Variants in ANXA6 observed in about 807,000 individuals in gnomAD.
ANXA6 encodes 67 kDa calelectrin.
A neutral mutation model predicts 95.4 loss-of-function variants in ANXA6; 71 were observed. The ratio of observed to expected loss-of-function variants is 0.74; its 90% CI spans 0.61 to 0.91. The LOEUF (loss-of-function observed/expected upper bound fraction) is 0.91, where lower values mean the gene tolerates loss of function less well. Among genes scored for constraint, ANXA6 ranks in the 40% least tolerant of loss-of-function variants. The probability of loss-of-function intolerance (pLI) is 0.00; values close to 1 mark genes in which losing one functional copy is unlikely to be tolerated. For missense variants in ANXA6, 830 were observed against 876.4 expected (o/e 0.95, Z 0.67); for synonymous variants, 289 against 315.9 (o/e 0.91, Z 0.90).
At chr5:151,137,687 C>T (rs1765707726) in intron 5 of ANXA6, among the ~76,000 whole-genome samples, 2 of 152,148 alleles carry the variant, frequency 1.3e-5, no homozygotes, top group Non-Finnish European at 1.5e-5. Context: ...AGCACTTCCC[C>T]ACCTCCCGCC....
intron 1 of ANXA6, among the ~76,000 whole-genome samples, chr5:151,148,272 T>G (rs1342701877): frequency 1.3e-5 from 2 of 152,190 alleles, no homozygotes; most frequent in African/African-American, 2.4e-5. Context: ...ACACATCAGA[T>G]TCTCCTTTTT....
intron 8 of ANXA6, among the ~76,000 whole-genome samples, 165 bp downstream of exon 8, chr5:151,134,262 A>G (rs894022425): frequency 1.3e-5 from 2 of 152,228 alleles, no homozygotes; most frequent in African/African-American, 4.8e-5. Context: ...AAGATAACTT[A>G]TATCTTTTCT....
chr5:151,130,962 G>A (rs575931177), intron 11 of ANXA6, among the ~76,000 whole-genome samples: 10 of 152,324 alleles, frequency 6.6e-5, no homozygotes, highest in Non-Finnish European at 1.0e-4. Context: ...AGTCCGAGCC[G>A]CCAACCCATT....
At chr5:151,138,589 T>G (rs1175157993) in intron 5 of ANXA6, 89 bp downstream of exon 5, 1 of 864,672 alleles carries the variant, frequency 1.2e-6, no homozygotes, top group African/African-American at 1.7e-5. Context: ...TGGGTGGGTA[T>G]GGGGCTCACC....
intron 13 of ANXA6, among the ~76,000 whole-genome samples, chr5:151,127,724 C>G (rs1414186622): frequency 2.0e-5 from 3 of 152,318 alleles, no homozygotes; most frequent in African/African-American, 4.8e-5. Flanking sequence ...TGGTCTATAC[C>G]CTTCTGCGCT....
rs1253167274 is a variant in ANXA6 at position 151,128,256 on chromosome 5, A to T, written c.919-17T>A. 1.9e-6 allele frequency: 3 copies of T among 1,602,560 alleles called. No homozygotes were observed. Among genetic ancestry groups the T allele is most frequent in the Non-Finnish European group, 2.6e-6 (3 of 1,175,274 alleles). On this transcript the variant is annotated splice_polypyrimidine_tract_variant and intron_variant, in intron 12 of 25. Transcript: ENST00000354546. ...GGTGTCATTCTGAAGAGAAAGAAAGAAAGGTTACCTCTCACCCAGCCCTGG... is the reference window on the plus strand; with the variant it reads ...GGTGTCATTCTGAAGAGAAAGAAAGTAAGGTTACCTCTCACCCAGCCCTGG...
At chr5:151,115,459 G>C (rs181226718) in intron 20 of ANXA6, among the ~76,000 whole-genome samples, 2 of 152,094 alleles carry the variant, frequency 1.3e-5, no homozygotes, top group South Asian at 2.1e-4. Context: ...CTCCTTTTGC[G>C]AAGCAGCTGT....
chr5:151,144,897 T>C (rs373811646), intron 2 of ANXA6, among the ~76,000 whole-genome samples: 302 of 152,036 alleles, frequency 2.0e-3, no homozygotes, highest in African/African-American at 7.0e-3. Context: ...TAGTCACATT[T>C]GGAGATACAG....
intron 23 of ANXA6, 80 bp from the exon 24 acceptor site, chr5:151,105,383 C>T (rs1284793262): frequency 8.0e-7 from 1 of 1,251,418 alleles, no homozygotes; most frequent in African/African-American, 1.5e-5. Flanking sequence ...CCCCCATCTC[C>T]CCACCTCGTC....
rs564132684 is a variant in ANXA6, at chr5:151,124,352, G to A, written c.1072C>T (p.Arg358Cys). The A allele has an allele frequency of 3.8e-5, 62 of 1,611,502 alleles. No individual in the cohort carries two copies. The South Asian group carries it at 4.5e-4, about 12-fold the overall frequency. Residue 358 changes from arginine (R) to cysteine (C), a missense_variant, in exon 15 of 26, where the codon CGC becomes TGC. Arg to Cys is a radical substitution (Grantham distance 180). Transcript: ENST00000354546. ...VARVELKGTV[R>C]PANDFNPDAD... ...TCAGGGTTGAAGTCATTGGCTGGGC[G>A]CACAGTTCCCTTCAGCTGTGAGAAG...
intron 20 of ANXA6, among the ~76,000 whole-genome samples, chr5:151,114,934 G>A (rs1250218167): frequency 6.6e-6 from 1 of 152,154 alleles, no homozygotes; most frequent in African/African-American, 2.4e-5. Flanking sequence ...CGTTATCTAA[G>A]GGGGAGCTTG....
chr5:151,117,937 G>A, intron 18 of ANXA6, 100 bp from the exon 19 acceptor site: 1 of 909,058 alleles, frequency 1.1e-6, no homozygotes, highest in Non-Finnish European at 1.8e-6. Flanking sequence ...GGGCAGTATT[G>A]GCAGGGGGAG....
At chr5:151,117,253 CT>C in intron 19 of ANXA6, 73 bp from the exon 20 acceptor site, 1 of 1,423,426 alleles carries the variant, frequency 7.0e-7, no homozygotes, top group Non-Finnish European at 9.5e-7. Flanking sequence ...ACCACACACC[CT>C]GCTCATTTTC....
chr5:151,135,401 C>A (rs569386414), intron 7 of ANXA6, among the ~76,000 whole-genome samples: 1 of 152,310 alleles, frequency 6.6e-6, no homozygotes, highest in Admixed American at 6.5e-5. Flanking sequence ...TGATCATTCC[C>A]CAGCTGGTTA....
Position 151,100,751 on chromosome 5 carries a change from TAA to T in ANXA6, c.*695_*696del, listed in dbSNP as rs1295270007. The T allele has an allele frequency of 5.1e-6, 2 of 394,826 alleles. No homozygotes were observed. The highest frequency in any genetic ancestry group is 2.1e-5 in the African/African-American group (1 of 47,610). The allele number at this position is 394,826 out of a possible 1,614,324, so 24.5% of individuals were successfully genotyped here. ...TCTCTTTTTATTTCTTCCTTAGAAATAAAAAGTGTCAAGGGAATGAATCGGAG... is the reference window on the plus strand; with the variant it reads ...TCTCTTTTTATTTCTTCCTTAGAAATAAAGTGTCAAGGGAATGAATCGGAG... On this transcript the variant is annotated 3_prime_UTR_variant, in exon 26 of 26. Coordinates refer to ENST00000354546, the MANE Select transcript of ANXA6 (RefSeq NM_001155.5).
chr5:151,111,832 C>T (rs1276091591), intron 20 of ANXA6, among the ~76,000 whole-genome samples: 1 of 150,986 alleles, frequency 6.6e-6, no homozygotes, highest in Non-Finnish European at 1.5e-5. Flanking sequence ...GCCTTGGCCT[C>T]CCAAAGAGTG....
chr5:151,144,514 C>T (rs180708951), intron 2 of ANXA6, among the ~76,000 whole-genome samples: 98 of 152,118 alleles, frequency 6.4e-4, no homozygotes, highest in Middle Eastern at 3.4e-3. Context: ...TGTAAGCTGC[C>T]GGGAAGGGAT....
At chr5:151,137,139 AG>A in intron 6 of ANXA6, 91 bp downstream of exon 6, 1 of 1,047,328 alleles carries the variant, frequency 9.5e-7, no homozygotes, top group Non-Finnish European at 1.4e-6. Flanking sequence ...GGAGGAGAGA[AG>A]GTAGATGGCT....
intron 20 of ANXA6, among the ~76,000 whole-genome samples, chr5:151,116,730 G>A (rs1464508675): frequency 1.3e-5 from 2 of 152,090 alleles, no homozygotes; most frequent in African/African-American, 4.8e-5. Flanking sequence ...ATAATAAACC[G>A]AGGCCTTTAG....
Sources: gnomAD v4.1 joint callset for allele counts (sites outside exome capture counted in the v4.1 genomes callset) on GRCh38, gnomAD v4.1.1 for gene constraint, MANE v1.5 for transcripts, NCBI Gene and HGNC (gene_info 2026-07-23, HGNC 2026-07-21) for gene names.